Variants in HPS4 observed in about 807,000 individuals in gnomAD.
HPS4 encodes the protein HPS4 biogenesis of lysosomal organelles complex 3 subunit 2.
HPS4 carries 44 observed loss-of-function variants against 70.3 expected under a neutral mutation model. The observed-to-expected ratio is 0.63, with a 90% confidence interval of 0.49 to 0.80. HPS4 has a LOEUF of 0.80. HPS4 is among the 30% of genes least tolerant of loss of function. HPS4 has a pLI of 0.00. For missense variants in HPS4, 873 were observed against 884.4 expected (o/e 0.99, Z 0.16); for synonymous variants, 377 against 355.9 (o/e 1.06, Z -0.67).
chr22:26,453,248 C>T lies in HPS4; in HGVS notation c.2112G>A (p.Gly704=). 6.2e-7 allele frequency: 1 copy of T among 1,614,214 alleles called. No individual in the cohort carries two copies. Among genetic ancestry groups the T allele is most frequent in the Non-Finnish European group, 8.5e-7 (1 of 1,180,042 alleles). Residue 704 remains glycine (G), a synonymous_variant, in exon 14 of 14, where the codon GGG becomes GGA. Transcript: ENST00000398145. ...GKAKQKLLKH[G]VNLL ...TGGGTGCAGTTCAGAGCAAGTTCAC[C>T]CCGTGCTTCAGCAGCTTCTGCTTTG...
chr22:26,453,692 T>C (rs974630490), intron 13 of HPS4: 1 of 477,978 alleles, frequency 2.1e-6, no homozygotes, highest in Non-Finnish European at 3.8e-6. Context: ...AAAGGAACTG[T>C]GGAGTGCTGG....
intron 2 of HPS4, among the ~76,000 whole-genome samples, chr22:26,480,954 G>T (rs923025740): frequency 1.3e-5 from 2 of 152,054 alleles, no homozygotes; most frequent in Admixed American, 1.3e-4. Flanking sequence ...CACCAACTTG[G>T]TCTCTTGGCA....
intron 8 of HPS4, 168 bp from the exon 9 acceptor site, chr22:26,466,430 T>A: frequency 1.3e-6 from 1 of 763,712 alleles, no homozygotes; most frequent in South Asian, 1.5e-5. Context: ...TCCCCCAAGC[T>A]GCTGGCTCCC....
chr22:26,451,992 GCGCGCGCGCGCGCACACA>G lies in HPS4; in HGVS notation c.*1223_*1240del, dbSNP rs942894536. ...AGAGGGATGCGCCCACGTTACGCGC[GCGCGCGCGCGCGCACACA>G]CACACACACACACACACACACACAC... On this transcript the variant is annotated 3_prime_UTR_variant, in exon 14 of 14. Transcript: ENST00000398145. 33 of 20,986 alleles carry G rather than the reference GCGCGCGCGCGCGCACACA, an allele frequency of 1.6e-3. No homozygotes were observed. The highest frequency in any genetic ancestry group is 0.014 in the Middle Eastern group (1 of 74). The allele number at this position is 20,986 out of a possible 1,614,324, so 1.3% of individuals were successfully genotyped here.
At chr22:26,465,687 G>A (rs2088434167) in intron 9 of HPS4, 136 bp from the exon 10 acceptor site, 4 of 719,728 alleles carry the variant, frequency 5.6e-6, no homozygotes, top group Non-Finnish European at 9.5e-6. Flanking sequence ...TCCTCAGCCA[G>A]GACACAGGTT....
At chr22:26,474,088 T>C (rs905019057) in intron 4 of HPS4, among the ~76,000 whole-genome samples, 2 of 152,208 alleles carry the variant, frequency 1.3e-5, no homozygotes, top group Admixed American at 6.5e-5. Flanking sequence ...ACAAACTGAT[T>C]GTACAATGAA....
chr22:26,449,323 A>AT (rs35895945), downstream of HPS4, among the ~76,000 whole-genome samples: 10,361 of 83,262 alleles, frequency 0.12, 1,107 homozygotes, highest in Non-Finnish European at 0.18. Context: ...ACTCCCCTGC[A>AT]TTTTTTTTTT....
chr22:26,471,369 A>C (rs193179153), intron 6 of HPS4: 1 of 456,130 alleles, frequency 2.2e-6, no homozygotes, highest in Non-Finnish European at 4.4e-6. Flanking sequence ...CCTTGTATGG[A>C]GTCAGGGGCC....
downstream of HPS4, among the ~76,000 whole-genome samples, chr22:26,446,947 A>G (rs769020618): frequency 3.4e-4 from 51 of 152,162 alleles, no homozygotes; most frequent in Non-Finnish European, 6.3e-4. Flanking sequence ...GCTGATCTCG[A>G]ACTCCTAACC....
In HPS4 at chr22:26,479,344, A is replaced by C. The variant is rs1180767289; in HGVS notation, c.53T>G (p.Phe18Cys). The change falls in exon 3 of 14, where the codon TTT becomes TGT. Residue 18 changes from phenylalanine (F) to cysteine (C), a missense_variant. Transcript: ENST00000398145. ...EAKSASWWNY[F>C]FLYDGSKVKE... The stretch of plus-strand genomic sequence containing the variant: ...TACCTTGGAACCATCATAAAGAAAA[A>C]AATAATTCCACCTGGCAAGAGAACA... 6.2e-7 allele frequency: 1 copy of C among 1,614,162 alleles called. No individual in the cohort carries two copies. Among genetic ancestry groups the C allele is most frequent in the Non-Finnish European group, 8.5e-7 (1 of 1,180,018 alleles).
intron 3 of HPS4, among the ~76,000 whole-genome samples, chr22:26,478,693 A>G (rs910560663): frequency 6.6e-6 from 1 of 150,660 alleles, no homozygotes; most frequent in Non-Finnish European, 1.5e-5. Flanking sequence ...TTATTTATTT[A>G]TTTTTTTTGA....
chr22:26,446,262 C>T (rs2084948601), downstream of HPS4, among the ~76,000 whole-genome samples: 1 of 152,184 alleles, frequency 6.6e-6, no homozygotes, highest in Admixed American at 6.5e-5. Flanking sequence ...AGGTCACACC[C>T]CAGGTCTTCT....
intron 9 of HPS4, 74 bp from the exon 10 acceptor site, chr22:26,465,625 C>T (rs1601925612): frequency 5.0e-6 from 6 of 1,202,474 alleles, no homozygotes; most frequent in African/African-American, 1.5e-5. Context: ...GCTGCACTGG[C>T]GTGATGCATC....
intron 11 of HPS4, 49 bp from the exon 12 acceptor site, chr22:26,458,626 C>A: frequency 6.2e-7 from 1 of 1,609,450 alleles, no homozygotes; most frequent in South Asian, 1.1e-5. Context: ...CCTCAGCAAG[C>A]CTTCTGAGGG....
rs1601853785 is a variant in HPS4 at position 26,460,460 on chromosome 22, T to C, written c.1714-1883A>G. Among the ~76,000 whole-genome samples, 6 of 152,236 alleles carry C rather than the reference T, an allele frequency of 3.9e-5. No homozygotes were observed. The South Asian group carries it at 1.2e-3, about 32-fold the overall frequency. Reference sequence around the variant, plus strand: ...CAAACCACAGCCTCACTGAAAGTTTTTGGACCTCAAGAACGTGCTAACAGT... The same window carrying C: ...CAAACCACAGCCTCACTGAAAGTTTCTGGACCTCAAGAACGTGCTAACAGT... On this transcript the variant is annotated intron_variant, in intron 11 of 13. Coordinates refer to ENST00000398145, the MANE Select transcript of HPS4 (RefSeq NM_022081.6).
At chr22:26,482,372 G>A (rs189943791) in intron 1 of HPS4, 132 bp from the exon 2 acceptor site, 1 of 155,492 alleles carries the variant, frequency 6.4e-6, no homozygotes, top group East Asian at 1.9e-4. Context: ...ATCAAAGAGG[G>A]AGGCTTGCAG....
upstream of HPS4, chr22:26,483,809 T>A: frequency 1.8e-6 from 2 of 1,140,000 alleles, no homozygotes; most frequent in South Asian, 5.1e-5. Context: ...CCGCCCCGCC[T>A]ACCTCCCCCT....
At position 26,465,484 on chromosome 22, in the gene HPS4, G is replaced by C. The variant is rs1354815482; in HGVS notation, c.774C>G (p.Leu258=). 2 of 1,613,944 alleles carry C rather than the reference G, an allele frequency of 1.2e-6. No homozygotes were observed. The highest frequency in any genetic ancestry group is 2.2e-5 in the East Asian group (1 of 44,892). ...TCATCTGTTCCACCGGGAACTCGTG[G>C]AGACTAATGGCTTCCTCTTTGGTCA... ...VFVTKEEAIS[L]HEFPVEQMTR... is the part of the protein sequence containing the mutation. Residue 258 remains leucine (L), a synonymous_variant, in exon 10 of 14, where the codon CTC becomes CTG. Transcript: ENST00000398145.
chr22:26,443,230 G>T, downstream of HPS4: 1 of 1,601,122 alleles, frequency 6.2e-7, no homozygotes. Flanking sequence ...GCTGGAGTCG[G>T]CGAGAAGGGC....
Sources: gnomAD v4.1 joint callset for allele counts (sites outside exome capture counted in the v4.1 genomes callset) on GRCh38, gnomAD v4.1.1 for gene constraint, MANE v1.5 for transcripts, NCBI Gene and HGNC (gene_info 2026-07-23, HGNC 2026-07-21) for gene names.